Variants in ATP8A2 observed in about 807,000 individuals in gnomAD.
ATP8A2 encodes the protein ATPase phospholipid transporting 8A2.
In ATP8A2, 100 loss-of-function variants were observed where a neutral mutation model predicts 165.6. The observed-to-expected ratio is 0.60, with a 90% CI of 0.51 to 0.71. The LOEUF is 0.71. Among genes scored for constraint, ATP8A2 ranks in the 30% least tolerant of loss-of-function variants. The pLI, the probability that ATP8A2 is intolerant of heterozygous loss-of-function variation, is 0.00. For synonymous variants in ATP8A2, 543 were observed against 548.8 expected (o/e 0.99, Z 0.15); for missense variants, 1,227 against 1,479.5 (o/e 0.83, Z 2.80).
At chr13:25,814,196 C>T (rs1467186433) in intron 27 of ATP8A2, among the ~76,000 whole-genome samples, 3 of 151,892 alleles carry the variant, frequency 2.0e-5, no homozygotes, top group Non-Finnish European at 2.9e-5. Flanking sequence ...ATCCATTAGC[C>T]ACATTAAAAA....
At chr13:25,846,810 T>C (rs1311037323) in intron 30 of ATP8A2, among the ~76,000 whole-genome samples, 1 of 152,164 alleles carries the variant, frequency 6.6e-6, no homozygotes, top group Non-Finnish European at 1.5e-5. Context: ...GAGGCAAAGC[T>C]AGAAGGACTC....
chr13:25,596,465 C>T (rs548146156), intron 24 of ATP8A2, among the ~76,000 whole-genome samples: 18 of 152,178 alleles, frequency 1.2e-4, no homozygotes, highest in Non-Finnish European at 1.6e-4. Flanking sequence ...CAGGCAAGCA[C>T]GCGGACCTTC....
intron 1 of ATP8A2, among the ~76,000 whole-genome samples, chr13:25,429,911 G>A (rs2034558457): frequency 6.6e-6 from 1 of 152,176 alleles, no homozygotes. Context: ...GGGAGGATGA[G>A]GTTCTGAAGG....
intron 33 of ATP8A2, among the ~76,000 whole-genome samples, chr13:25,887,501 G>C (rs1170664071): frequency 1.3e-5 from 2 of 152,122 alleles, no homozygotes; most frequent in African/African-American, 4.8e-5. Flanking sequence ...ACCATGCCCG[G>C]CTAATTTTTG....
At chr13:25,766,079 T>TAAGC (rs1388211940) in intron 25 of ATP8A2, among the ~76,000 whole-genome samples, 2 of 152,252 alleles carry the variant, frequency 1.3e-5, no homozygotes, top group African/African-American at 4.8e-5. Context: ...AAGTTCCTGT[T>TAAGC]TTACGCTCTC....
intron 27 of ATP8A2, among the ~76,000 whole-genome samples, chr13:25,810,169 C>T (rs1390908170): frequency 6.6e-6 from 1 of 152,240 alleles, no homozygotes; most frequent in African/African-American, 2.4e-5. Flanking sequence ...GGGAAAAGCA[C>T]TCTCTCTGAA....
intron 33 of ATP8A2, among the ~76,000 whole-genome samples, chr13:25,897,019 T>C (rs1014720456): frequency 2.0e-5 from 3 of 152,240 alleles, no homozygotes; most frequent in African/African-American, 7.2e-5. Flanking sequence ...AATTGGAGCA[T>C]TTAGCCCATT....
chr13:25,419,327 AATCT>A (rs540932058), intron 1 of ATP8A2, among the ~76,000 whole-genome samples: 1 of 152,164 alleles, frequency 6.6e-6, no homozygotes, highest in Non-Finnish European at 1.5e-5. Context: ...AGGGGAGTAG[AATCT>A]ACTTTCTTTT....
At chr13:25,385,962 G>A (rs1382930024) in intron 1 of ATP8A2, among the ~76,000 whole-genome samples, 1 of 151,624 alleles carries the variant, frequency 6.6e-6, no homozygotes, top group African/African-American at 2.4e-5. Context: ...GCCCAGGCTG[G>A]AGTGCAGTGG....
intron 1 of ATP8A2, among the ~76,000 whole-genome samples, chr13:25,455,449 T>C (rs1159181724): frequency 6.6e-6 from 1 of 152,240 alleles, no homozygotes; most frequent in East Asian, 1.9e-4. Context: ...ACAATGCTTT[T>C]ATTACTTAGG....
At chr13:25,972,704 C>A (rs990562362) in intron 35 of ATP8A2, among the ~76,000 whole-genome samples, 2 of 152,114 alleles carry the variant, frequency 1.3e-5, no homozygotes, top group African/African-American at 4.8e-5. Flanking sequence ...GAAGAAAATT[C>A]TTTGTTTTTT....
intron 33 of ATP8A2, among the ~76,000 whole-genome samples, chr13:25,872,335 T>G (rs1593482475): frequency 6.6e-6 from 1 of 152,034 alleles, no homozygotes. Context: ...CTGCAGAAGG[T>G]GGCTGGCTGA....
intron 22 of ATP8A2, among the ~76,000 whole-genome samples, chr13:25,581,543 C>T (rs1173400888): frequency 6.6e-6 from 1 of 152,136 alleles, no homozygotes; most frequent in African/African-American, 2.4e-5. Flanking sequence ...ATAACCTGCC[C>T]ATCTGCTCTG....
chr13:25,896,640 G>C lies in ATP8A2; in HGVS notation c.3183+34232G>C, dbSNP rs185197508. 3.2e-3 allele frequency among the ~76,000 whole-genome samples: 485 copies of C among 152,266 alleles called. 2 individuals are homozygous for C. Among genetic ancestry groups the C allele is most frequent in the Middle Eastern group, 0.01 (3 of 294 alleles). ...CTAATGTTGACAGTGGGGTGTTAAA[G>C]TCTCCCATTATTATTGTGTGGGAGT... On this transcript the variant is annotated intron_variant, in intron 33 of 36. Transcript: ENST00000381655.
chr13:25,505,739 T>C lies in ATP8A2; in HGVS notation c.222-24260T>C, dbSNP rs564636970. On this transcript the variant is annotated intron_variant, in intron 2 of 36. Coordinates refer to ENST00000381655, the MANE Select transcript of ATP8A2 (RefSeq NM_016529.6). The stretch of plus-strand genomic sequence containing the variant: ...GCCAACTGGCTAGCATGTTGATGGC[T>C]CTACATAACTTATTATTATTATATA... Among the ~76,000 whole-genome samples, 6 of 152,374 alleles carry C rather than the reference T, an allele frequency of 3.9e-5. No homozygotes were observed. The South Asian group carries it at 1.2e-3, about 32-fold the overall frequency.
chr13:25,999,367 G>A (rs1956588645), intron 35 of ATP8A2, among the ~76,000 whole-genome samples: 1 of 152,048 alleles, frequency 6.6e-6, no homozygotes, highest in South Asian at 2.1e-4. Context: ...CCTCTCTCTG[G>A]TCCCCTGTCT....
intron 24 of ATP8A2, among the ~76,000 whole-genome samples, chr13:25,671,953 C>G (rs2042273153): frequency 6.6e-6 from 1 of 152,188 alleles, no homozygotes; most frequent in Non-Finnish European, 1.5e-5. Context: ...TGTGATGTCT[C>G]CCCCGGATGC....
At chr13:25,693,426 GA>G (rs1229078706) in intron 24 of ATP8A2, among the ~76,000 whole-genome samples, 1 of 152,160 alleles carries the variant, frequency 6.6e-6, no homozygotes, top group East Asian at 1.9e-4. Flanking sequence ...GTAGAGGCTG[GA>G]GACACGTCAA....
chr13:25,825,323 C>A (rs1951288453), intron 27 of ATP8A2, among the ~76,000 whole-genome samples: 1 of 151,256 alleles, frequency 6.6e-6, no homozygotes, highest in Non-Finnish European at 1.5e-5. Flanking sequence ...CCACACCCAG[C>A]TAACTTTTTA....
Sources: gnomAD v4.1 joint callset for allele counts (sites outside exome capture counted in the v4.1 genomes callset) on GRCh38, gnomAD v4.1.1 for gene constraint, MANE v1.5 for transcripts, NCBI Gene and HGNC (gene_info 2026-07-23, HGNC 2026-07-21) for gene names.